ADAMTS6: variants seen among roughly 807,000 people sequenced by gnomAD.
ADAMTS6 encodes ADAM metallopeptidase with thrombospondin type 1 motif 6.
A neutral mutation model predicts 144.3 loss-of-function variants in ADAMTS6; 23 were observed. The ratio of observed to expected loss-of-function variants is 0.16; its 90% CI spans 0.11 to 0.23. The LOEUF is 0.23. Ranked by LOEUF, ADAMTS6 falls within the 10% of genes least tolerant of loss-of-function variation. ADAMTS6 has a pLI of 1.00. For missense variants in ADAMTS6, 999 were observed against 1,379.6 expected, an observed-to-expected ratio of 0.72 and a Z score of 4.37; for synonymous variants, 444 against 457.5, an observed-to-expected ratio of 0.97 and a Z score of 0.38.
Position 65,208,036 on chromosome 5 carries a change from T to A in ADAMTS6, c.2575+6758A>T, listed in dbSNP as rs762524655. The stretch of plus-strand genomic sequence containing the variant: ...GCCATATTAAACAAAATTATGAAAT[T>A]AAGTGGCATGCTATTCCTTCTTTCA... On this transcript the variant is annotated intron_variant, in intron 20 of 24. Transcript: ENST00000381055. Among the ~76,000 whole-genome samples, 91 of 152,296 alleles carry A rather than the reference T, an allele frequency of 6.0e-4. 3 individuals carry two copies. The highest frequency in any genetic ancestry group is 6.8e-3 in the Middle Eastern group (2 of 294).
chr5:65,437,099 T>A (rs891985805), intron 7 of ADAMTS6, among the ~76,000 whole-genome samples: 1 of 51,690 alleles, frequency 1.9e-5, no homozygotes, highest in Non-Finnish European at 4.7e-5. Flanking sequence ...GAAACTCCCA[T>A]TTTTTTTTTT....
chr5:65,263,076 T>G (rs1761332694), intron 12 of ADAMTS6, 114 bp from the exon 13 acceptor site: 2 of 1,310,800 alleles, frequency 1.5e-6, no homozygotes, highest in Non-Finnish European at 2.1e-6. Context: ...TTCTCCCAAT[T>G]GATAACAGAC....
chr5:65,158,410 T>C (rs1752553617), intron 24 of ADAMTS6, among the ~76,000 whole-genome samples: 1 of 152,188 alleles, frequency 6.6e-6, no homozygotes, highest in Non-Finnish European at 1.5e-5. Flanking sequence ...CTTTCCTGGA[T>C]TGGTTACCAG....
intron 7 of ADAMTS6, among the ~76,000 whole-genome samples, chr5:65,371,852 A>T (rs1750955148): frequency 6.6e-6 from 1 of 152,174 alleles, no homozygotes; most frequent in Admixed American, 6.5e-5. Flanking sequence ...GAAGGAAAAA[A>T]TGTTAAGGGC....
At chr5:65,249,002 T>C (rs1346982210) in intron 14 of ADAMTS6, among the ~76,000 whole-genome samples, 1 of 152,074 alleles carries the variant, frequency 6.6e-6, no homozygotes, top group African/African-American at 2.4e-5. Context: ...ATATTGTTCC[T>C]GTTTTTTGCC....
intron 16 of ADAMTS6, among the ~76,000 whole-genome samples, chr5:65,225,632 T>C (rs981113739): frequency 2.0e-5 from 3 of 152,276 alleles, no homozygotes; most frequent in Non-Finnish European, 4.4e-5. Flanking sequence ...ATGAAAACCA[T>C]TGTAAATGCT....
intron 7 of ADAMTS6, among the ~76,000 whole-genome samples, chr5:65,397,876 TAAAAAA>T (rs34170790): frequency 6.6e-5 from 8 of 121,700 alleles, no homozygotes; most frequent in African/African-American, 2.2e-4. Flanking sequence ...GACCCTGTCT[TAAAAAA>T]AAAAAAAAAA....
At chr5:65,160,604 TCC>T in intron 24 of ADAMTS6, among the ~76,000 whole-genome samples, 2 of 149,904 alleles carry the variant, frequency 1.3e-5, no homozygotes, top group African/African-American at 4.9e-5. Context: ...GCGCCCGGCC[TCC>T]AACTTTCTTC....
At chr5:65,292,499 T>A (rs1295017969) in intron 10 of ADAMTS6, among the ~76,000 whole-genome samples, 1 of 151,924 alleles carries the variant, frequency 6.6e-6, no homozygotes, top group Non-Finnish European at 1.5e-5. Flanking sequence ...CATTTATAGA[T>A]AACTAAGAAA....
chr5:65,310,200 T>C (rs1240187973), intron 9 of ADAMTS6, among the ~76,000 whole-genome samples: 7 of 151,928 alleles, frequency 4.6e-5, no homozygotes, highest in Admixed American at 1.3e-4. Flanking sequence ...CCTGGAGGCC[T>C]CCCCAGAAGC....
At chr5:65,157,363 C>G (rs1752491045) in intron 24 of ADAMTS6, among the ~76,000 whole-genome samples, 1 of 152,172 alleles carries the variant, frequency 6.6e-6, no homozygotes. Flanking sequence ...CAATTAGATT[C>G]AGATTAATTG....
intron 9 of ADAMTS6, among the ~76,000 whole-genome samples, chr5:65,325,520 T>C (rs1214361145): frequency 6.6e-6 from 1 of 151,548 alleles, no homozygotes; most frequent in Non-Finnish European, 1.5e-5. Flanking sequence ...GACAGGGTCT[T>C]GGCCTGTCAC....
chr5:65,300,870 A>G (rs1202556319), intron 9 of ADAMTS6, among the ~76,000 whole-genome samples: 1 of 152,066 alleles, frequency 6.6e-6, no homozygotes, highest in African/African-American at 2.4e-5. Flanking sequence ...TGACCTCGTG[A>G]TCTGCCTGCC....
intron 7 of ADAMTS6, among the ~76,000 whole-genome samples, chr5:65,402,480 A>G (rs1373307013): frequency 6.6e-6 from 1 of 152,096 alleles, no homozygotes; most frequent in African/African-American, 2.4e-5. Flanking sequence ...TGATTACTTC[A>G]TACTTCTTCT....
At chr5:65,425,805 C>A (rs1417736225) in intron 7 of ADAMTS6, among the ~76,000 whole-genome samples, 1 of 151,984 alleles carries the variant, frequency 6.6e-6, no homozygotes, top group Non-Finnish European at 1.5e-5. Context: ...ACTCTGTCCC[C>A]CAGGCTTGAG....
intron 7 of ADAMTS6, among the ~76,000 whole-genome samples, chr5:65,404,543 C>T (rs1402775677): frequency 6.6e-6 from 1 of 152,138 alleles, no homozygotes; most frequent in African/African-American, 2.4e-5. Flanking sequence ...TCCAGTCTAT[C>T]ATTGATGGAC....
rs562059496 is a variant in ADAMTS6 at position 65,421,715 on chromosome 5, G to A, written c.1073+29760C>T. On this transcript the variant is annotated intron_variant, in intron 7 of 24. Coordinates refer to ENST00000381055, the MANE Select transcript of ADAMTS6 (RefSeq NM_197941.4). ...TTAAAACCAACTGCTCTTCAACAAAGCATATGATAACATAAATGGTGCTTG... is the reference window on the plus strand; with the variant it reads ...TTAAAACCAACTGCTCTTCAACAAAACATATGATAACATAAATGGTGCTTG... 4.6e-5 allele frequency among the ~76,000 whole-genome samples: 7 copies of A among 152,186 alleles called. 1 individual carries two copies. The South Asian group carries it at 1.4e-3, about 32-fold the overall frequency.
At chr5:65,294,410 A>G (rs564646776) in intron 10 of ADAMTS6, among the ~76,000 whole-genome samples, 1 of 152,126 alleles carries the variant, frequency 6.6e-6, no homozygotes, top group Non-Finnish European at 1.5e-5. Flanking sequence ...GAGTCTCACC[A>G]TCTTGCCCAG....
chr5:65,302,170 G>A (rs1419909998), intron 9 of ADAMTS6, among the ~76,000 whole-genome samples: 1 of 136,296 alleles, frequency 7.3e-6, no homozygotes, highest in Non-Finnish European at 1.6e-5. Flanking sequence ...ATATTTATAT[G>A]ATATTATACA....
Sources: gnomAD v4.1 joint callset for allele counts (sites outside exome capture counted in the v4.1 genomes callset) on GRCh38, gnomAD v4.1.1 for gene constraint, MANE v1.5 for transcripts, NCBI Gene and HGNC (gene_info 2026-07-23, HGNC 2026-07-21) for gene names.